Variants in NLRP1 observed in about 807,000 individuals in gnomAD.
The protein encoded by NLRP1 is NACHT, LRR and PYD domains-containing protein 1.
In NLRP1, 94 loss-of-function variants were observed where a neutral mutation model predicts 136.7. That is an observed-to-expected ratio of 0.69 (90% CI 0.58 to 0.82). The LOEUF (loss-of-function observed/expected upper bound fraction) is 0.82. NLRP1 is among the 40% of genes least tolerant of loss of function. The probability of loss-of-function intolerance (pLI) is 0.00; values close to 1 mark genes in which losing one functional copy is unlikely to be tolerated. For missense variants in NLRP1, 1,575 were observed against 1,802.7 expected (o/e 0.87, Z 2.29); for synonymous variants, 690 against 725.1 (o/e 0.95, Z 0.78).
chr17:5,580,638 C>T (rs1223638514), intron 3 of NLRP1, among the ~76,000 whole-genome samples: 1 of 152,106 alleles, frequency 6.6e-6, no homozygotes, highest in East Asian at 1.9e-4. Flanking sequence ...GGTTTTCATA[C>T]TTGTTTTTTT....
intron 14 of NLRP1, among the ~76,000 whole-genome samples, chr17:5,518,910 C>T (rs1908501363): frequency 6.6e-6 from 1 of 150,598 alleles, no homozygotes; most frequent in African/African-American, 2.4e-5. Flanking sequence ...ACGATCTCGG[C>T]TCACTGCAAA....
chr17:5,557,773 G>T (rs1406161849), intron 4 of NLRP1, among the ~76,000 whole-genome samples: 1 of 152,214 alleles, frequency 6.6e-6, no homozygotes, highest in Admixed American at 6.5e-5. Flanking sequence ...CAGAGAGTGG[G>T]TTTCAGGTTG....
rs779945177 is a variant in NLRP1 at position 5,558,652 on chromosome 17, C to A, written c.2044G>T (p.Gly682Trp). The A allele has an allele frequency of 6.2e-7, 1 of 1,614,166 alleles. No homozygotes were observed. The highest frequency in any genetic ancestry group is 2.2e-5 in the East Asian group (1 of 44,872). Residue 682 changes from glycine to tryptophan, a missense_variant, in exon 4 of 17, where the codon GGG becomes TGG. By Grantham distance (184) the Gly-to-Trp change is radical. Transcript: ENST00000572272. ...AAGATGTTCTCCATCTCTCTCTCCC[C>A]CTCATCACTTAACAGGCCCAATAGG... ...RFLLGLLSDE[G>W]EREMENIFHC...
chr17:5,544,789 A>G (rs888169851), intron 5 of NLRP1, among the ~76,000 whole-genome samples: 28 of 152,204 alleles, frequency 1.8e-4, no homozygotes, highest in African/African-American at 6.0e-4. Flanking sequence ...TTCTGAGAGG[A>G]GGAACAGTTT....
intron 12 of NLRP1, among the ~76,000 whole-genome samples, chr17:5,528,725 T>G (rs183046276): frequency 6.6e-6 from 1 of 152,316 alleles, no homozygotes; most frequent in East Asian, 1.9e-4. Context: ...TACCTTTATT[T>G]TGAGGTGATA....
chr17:5,521,051 G>C (rs762325713), intron 13 of NLRP1, 39 bp from the exon 14 acceptor site: 8 of 1,559,086 alleles, frequency 5.1e-6, no homozygotes, highest in Non-Finnish European at 7.0e-6. Context: ...GGAGGCTTCT[G>C]CCCCGTGGAA....
rs1027292658 is a variant in NLRP1, at chr17:5,567,480, T to A, written c.653-7437A>T. 2.6e-5 allele frequency among the ~76,000 whole-genome samples: 4 copies of A among 152,146 alleles called. No homozygotes were observed. In the South Asian group the frequency reaches 6.2e-4, roughly 24 times the overall value. On this transcript the variant is annotated intron_variant, in intron 3 of 16. Transcript: ENST00000572272. ...AACTTAACTTCATTTCCCAGCTTTT[T>A]AAACTTTTTGTTGTTTCTATTTATA...
At chr17:5,570,760 A>T (rs1346072290) in intron 3 of NLRP1, among the ~76,000 whole-genome samples, 1 of 152,114 alleles carries the variant, frequency 6.6e-6, no homozygotes, top group African/African-American at 2.4e-5. Flanking sequence ...GTATCATTCT[A>T]TGAGTTTGGT....
chr17:5,539,467 G>T lies in NLRP1; in HGVS notation c.2818C>A (p.Arg940=). ...TGCCTGAGCCCCTCACAGAGCAGTCGCACGCCAACGTCATCCAGGTTGTTC... is the reference window on the plus strand; with the variant it reads ...TGCCTGAGCCCCTCACAGAGCAGTCTCACGCCAACGTCATCCAGGTTGTTC... ...QQNNLDDVGV[R]LLCEGLRHPA... The change falls in exon 7 of 17, where the codon CGA becomes AGA. Residue 940 remains arginine, a synonymous_variant. Transcript: ENST00000572272. 6.2e-7 allele frequency: 1 copy of T among 1,614,064 alleles called. No individual in the cohort carries two copies. Among genetic ancestry groups the T allele is most frequent in the Non-Finnish European group, 8.5e-7 (1 of 1,180,000 alleles).
chr17:5,552,938 C>T (rs1913558268), intron 5 of NLRP1, among the ~76,000 whole-genome samples: 1 of 152,230 alleles, frequency 6.6e-6, no homozygotes, highest in South Asian at 2.1e-4. Flanking sequence ...TAAAATTCCA[C>T]ACCATCAGGA....
chr17:5,570,371 T>C (rs543651208), intron 3 of NLRP1, among the ~76,000 whole-genome samples: 33 of 113,902 alleles, frequency 2.9e-4, no homozygotes, highest in Non-Finnish European at 5.3e-4. Context: ...GCTAGACTAA[T>C]AAAGAAAAAA....
rs760371806 is a variant in NLRP1, at chr17:5,553,569, GAGA to G, written c.2358-16_2358-14del. The stretch of plus-strand genomic sequence containing the variant: ...GACCCACCTGAACCTGAGGGGGAGA[GAGA>G]AGGACAGGAGAGATGTGATGTGTCT... On this transcript the variant is annotated splice_polypyrimidine_tract_variant and intron_variant, in intron 4 of 16. Transcript: ENST00000572272. The G allele has an allele frequency of 5.0e-6, 8 of 1,611,488 alleles. No homozygotes were observed. Among genetic ancestry groups the G allele is most frequent in the Non-Finnish European group, 6.8e-6 (8 of 1,178,292 alleles).
chr17:5,552,143 T>C (rs1913457974), intron 5 of NLRP1, among the ~76,000 whole-genome samples: 1 of 146,732 alleles, frequency 6.8e-6, no homozygotes, highest in Non-Finnish European at 1.5e-5. Context: ...ACTATAAACT[T>C]CCCTTTAAGC....
intron 9 of NLRP1, among the ~76,000 whole-genome samples, 178 bp from the exon 10 acceptor site, chr17:5,533,562 T>G (rs1426281931): frequency 3.9e-4 from 58 of 149,588 alleles, no homozygotes; most frequent in Non-Finnish European, 7.6e-4. Flanking sequence ...TTTTTTTTTT[T>G]TTTTTTTTTT....
chr17:5,578,310 A>G (rs1384271741), intron 3 of NLRP1, among the ~76,000 whole-genome samples: 1 of 152,240 alleles, frequency 6.6e-6, no homozygotes, highest in Non-Finnish European at 1.5e-5. Context: ...AACTACCATC[A>G]GAGTGAACAG....
intron 12 of NLRP1, 69 bp from the exon 13 acceptor site, chr17:5,521,855 G>A (rs747409723): frequency 6.2e-6 from 9 of 1,441,704 alleles, no homozygotes; most frequent in Non-Finnish European, 8.3e-6. Flanking sequence ...ACAGAGTTTC[G>A]CTCTTGTCGC....
chr17:5,524,372 C>T (rs1055049584), intron 12 of NLRP1, among the ~76,000 whole-genome samples: 11 of 152,230 alleles, frequency 7.2e-5, no homozygotes, highest in South Asian at 4.1e-4. Context: ...GGATGCACCA[C>T]CCTGTGATTC....
At chr17:5,536,471 G>A (rs9890491) in intron 8 of NLRP1, among the ~76,000 whole-genome samples, 2 of 95,210 alleles carry the variant, frequency 2.1e-5, no homozygotes. Flanking sequence ...TTTTTTTTGA[G>A]ATGCAGTCTT....
chr17:5,564,075 A>G (rs542147981), intron 3 of NLRP1, among the ~76,000 whole-genome samples: 1 of 152,288 alleles, frequency 6.6e-6, no homozygotes, highest in African/African-American at 2.4e-5. Context: ...TTTTGTGGAT[A>G]TGTAGTAGGT....
Sources: gnomAD v4.1 joint callset for allele counts (sites outside exome capture counted in the v4.1 genomes callset) on GRCh38, gnomAD v4.1.1 for gene constraint, MANE v1.5 for transcripts, NCBI Gene and HGNC (gene_info 2026-07-23, HGNC 2026-07-21) for gene names.